The following EHMT1 variants were observed in gnomAD, a reference collection of about 807,000 sequenced individuals.
EHMT1 encodes histone-lysine N-methyltransferase EHMT1.
In EHMT1, 15 loss-of-function variants were observed where a neutral mutation model predicts 147.2. That is an observed-to-expected ratio of 0.10 (90% confidence interval 0.07 to 0.16). The LOEUF is 0.16. EHMT1 is among the 10% of genes least tolerant of loss of function. The probability of loss-of-function intolerance (pLI) is 1.00; values close to 1 mark genes in which losing one functional copy is unlikely to be tolerated. For missense variants in EHMT1, 1,587 were observed against 1,772.4 expected, an observed-to-expected ratio of 0.90 and a Z score of 1.88; for synonymous variants, 795 against 709.6, an observed-to-expected ratio of 1.12 and a Z score of -1.91.
rs117732692 is a variant in EHMT1 at position 137,691,593 on chromosome 9, A to G, written c.22-19374A>G. The stretch of plus-strand genomic sequence containing the variant: ...TATTGCAAGCAATGCTGTTGTGAAC[A>G]TGGTGTGTAAATATCTCTTTGAGAC... On this transcript the variant is annotated intron_variant, in intron 1 of 26. Transcript: ENST00000460843. Among the ~76,000 whole-genome samples, 86 of 152,252 alleles carry G rather than the reference A, an allele frequency of 5.6e-4. 1 individual carries two copies. The East Asian group carries it at 0.015, about 27-fold the overall frequency.
At chr9:137,757,822 T>C in intron 8 of EHMT1, 58 bp from the exon 9 acceptor site, 2 of 1,610,204 alleles carry the variant, frequency 1.2e-6, no homozygotes, top group Admixed American at 3.3e-5. Flanking sequence ...CCTGTGCGTC[T>C]GGGTGGGTGC....
intron 13 of EHMT1, among the ~76,000 whole-genome samples, chr9:137,778,779 A>G (rs1951155043): frequency 6.6e-6 from 1 of 152,222 alleles, no homozygotes. Context: ...AGAAATGCCC[A>G]GGGCTGGATG....
chr9:137,791,080 C>T (rs760762273), intron 16 of EHMT1, 110 bp downstream of exon 16: 23 of 1,563,748 alleles, frequency 1.5e-5, no homozygotes, highest in Non-Finnish European at 1.9e-5. Context: ...CCTTCACACA[C>T]TGACCCAGTT....
intron 18 of EHMT1, among the ~76,000 whole-genome samples, chr9:137,809,931 GT>G (rs1301009295): frequency 6.1e-5 from 8 of 132,094 alleles, no homozygotes; most frequent in African/African-American, 2.9e-4. Flanking sequence ...TCGGTGATGG[GT>G]CCGGAGGTGG....
rs1349935046 is a variant in EHMT1 at position 137,776,160 on chromosome 9, T to TA, written c.1792-457dup. On this transcript the variant is annotated intron_variant, in intron 11 of 26. Transcript: ENST00000460843. The surrounding 1 kb of genome is among the most constrained non-coding windows in gnomAD (Gnocchi z 4.4). ...GCTTTCTGCAAGAAAATGCTGTTCT[T>TA]ACGGCTGTGTGCCCCTCCTCGAGGC... Among the ~76,000 whole-genome samples, 8 of 152,324 alleles carry TA rather than the reference T, an allele frequency of 5.3e-5. 1 individual carries two copies. In the South Asian group the frequency reaches 6.2e-4, roughly 12 times the overall value.
intron 3 of EHMT1, among the ~76,000 whole-genome samples, chr9:137,720,768 G>C (rs538239775): frequency 3.3e-5 from 5 of 152,090 alleles, no homozygotes; most frequent in Non-Finnish European, 7.4e-5. Context: ...CTTGTACGTC[G>C]GCACTCACCC....
At position 137,632,364 on chromosome 9, in the gene EHMT1, A is replaced by G. The variant is rs186953784; in HGVS notation, c.21+13315A>G. On this transcript the variant is annotated intron_variant, in intron 1 of 26. Transcript: ENST00000460843. The stretch of plus-strand genomic sequence containing the variant: ...GAAAGGTGCAGGTGGGAGTAAGTCA[A>G]CCTTTCAGCCCCAGTTCCCCTTGAA... Among the ~76,000 whole-genome samples, 25 of 152,278 alleles carry G rather than the reference A, an allele frequency of 1.6e-4. No homozygotes were observed. In the South Asian group the frequency reaches 2.3e-3, roughly 14 times the overall value.
At chr9:137,810,619 A>G (rs1480542349) in intron 18 of EHMT1, among the ~76,000 whole-genome samples, 2 of 152,088 alleles carry the variant, frequency 1.3e-5, no homozygotes, top group Admixed American at 6.5e-5. Context: ...ATTATAAATC[A>G]TCTATATTTT....
intron 1 of EHMT1, among the ~76,000 whole-genome samples, chr9:137,686,824 G>A (rs539987174): frequency 1.3e-3 from 194 of 148,158 alleles, no homozygotes; most frequent in African/African-American, 4.7e-3. Context: ...TCTGCCTCCC[G>A]GGTTCATGCC....
At chr9:137,642,776 TAG>T (rs1178037843) in intron 1 of EHMT1, among the ~76,000 whole-genome samples, 1 of 152,246 alleles carries the variant, frequency 6.6e-6, no homozygotes, top group Non-Finnish European at 1.5e-5. Flanking sequence ...TCAAATCATA[TAG>T]GAGAAAAAAC....
At chr9:137,770,080 G>T (rs993989734) in intron 10 of EHMT1, among the ~76,000 whole-genome samples, 1 of 152,002 alleles carries the variant, frequency 6.6e-6, no homozygotes, top group African/African-American at 2.4e-5. Context: ...CAGGTGATCC[G>T]CCCGCCTCGG....
chr9:137,788,845 C>CTGA (rs1952243236), intron 15 of EHMT1: 1 of 152,326 alleles, frequency 6.6e-6, no homozygotes, highest in Admixed American at 6.5e-5. Context: ...GTCAGCCGCT[C>CTGA]CGCTTGCGGT....
intron 1 of EHMT1, among the ~76,000 whole-genome samples, chr9:137,666,709 G>A (rs1939698070): frequency 6.6e-6 from 1 of 152,176 alleles, no homozygotes; most frequent in African/African-American, 2.4e-5. Flanking sequence ...CCACACGTGT[G>A]GGTTGTGTGA....
rs551053603 is a variant in EHMT1, at chr9:137,671,941, T to G, written c.22-39026T>G. ...AGAGGCCGTGGCCCCTTAGTCCTTGTGTTCGTGCTGCGCCCCTTCTCCCTG... is the reference window on the plus strand; with the variant it reads ...AGAGGCCGTGGCCCCTTAGTCCTTGGGTTCGTGCTGCGCCCCTTCTCCCTG... On this transcript the variant is annotated intron_variant, in intron 1 of 26. Transcript: ENST00000460843. Among the ~76,000 whole-genome samples the G allele has an allele frequency of 2.6e-5, 4 of 152,340 alleles. No individual in the cohort carries two copies. In the South Asian group the frequency reaches 8.3e-4, roughly 32 times the overall value.
intron 4 of EHMT1, among the ~76,000 whole-genome samples, chr9:137,742,806 G>A (rs1948216371): frequency 6.6e-6 from 1 of 152,210 alleles, no homozygotes; most frequent in Non-Finnish European, 1.5e-5. Context: ...TGGGGAGAGG[G>A]CCTAGGAGGA....
intron 1 of EHMT1, among the ~76,000 whole-genome samples, chr9:137,623,227 GA>G (rs1158896548): frequency 8.7e-5 from 13 of 148,936 alleles, no homozygotes; most frequent in Non-Finnish European, 1.6e-4. Context: ...AAAAAAAAAA[GA>G]AAAAAAAGAA....
chr9:137,622,583 G>C (rs1374551789), intron 1 of EHMT1, among the ~76,000 whole-genome samples: 2 of 152,178 alleles, frequency 1.3e-5, no homozygotes, highest in Non-Finnish European at 2.9e-5. Flanking sequence ...ATTTAGATTA[G>C]AGAAGATTTT....
At chr9:137,740,791 T>G (rs1947987995) in intron 4 of EHMT1, among the ~76,000 whole-genome samples, 1 of 152,122 alleles carries the variant, frequency 6.6e-6, no homozygotes, top group South Asian at 2.1e-4. Context: ...CTGACATGAT[T>G]TATTTTATTT....
intron 3 of EHMT1, among the ~76,000 whole-genome samples, chr9:137,724,196 G>A (rs962298915): frequency 6.6e-5 from 10 of 152,210 alleles, no homozygotes; most frequent in Admixed American, 6.5e-4. Flanking sequence ...TGCACTGGAG[G>A]TGGTTCTTAG....
Sources: allele counts gnomAD v4.1 joint callset (sites outside exome capture counted in the v4.1 genomes callset), GRCh38; gene constraint gnomAD v4.1.1; non-coding constraint Gnocchi (gnomAD v3.1); transcripts MANE v1.5; gene names NCBI Gene and HGNC (gene_info 2026-07-23, HGNC 2026-07-21).